Variants in ZNF638 observed in about 807,000 individuals in gnomAD.
ZNF638 encodes the protein zinc finger protein 638, also known as CTCL tumor antigen se33-1.
Under a neutral mutation model 195.6 loss-of-function variants are expected in ZNF638, and 46 were observed. That is an observed-to-expected ratio of 0.24 (90% CI 0.19 to 0.30). The LOEUF (loss-of-function observed/expected upper bound fraction) is 0.30. Ranked by LOEUF, ZNF638 falls within the 10% of genes least tolerant of loss-of-function variation. The pLI is 1.00. For synonymous variants in ZNF638, 845 were observed against 772.0 expected (o/e 1.09, Z -1.57); for missense variants, 2,440 against 2,325.3 (o/e 1.05, Z -1.01).
chr2:71,385,214 A>G (rs1259553856), intron 10 of ZNF638, among the ~76,000 whole-genome samples: 8 of 152,228 alleles, frequency 5.3e-5, no homozygotes, highest in African/African-American at 1.9e-4. Flanking sequence ...CCATTCTAGA[A>G]AAGAGTATGA....
Position 71,426,567 on chromosome 2 carries a change from A to G in ZNF638, c.4698A>G (p.Lys1566=), listed in dbSNP as rs1263956192. The G allele has an allele frequency of 1.2e-6, 2 of 1,614,056 alleles. No homozygotes were observed. Among genetic ancestry groups the G allele is most frequent in the Middle Eastern group, 1.6e-4 (1 of 6,084 alleles). The change falls in exon 24 of 28, where the codon AAA becomes AAG. Residue 1566 remains lysine (K), a synonymous_variant. Transcript: ENST00000264447. Reference sequence around the variant, plus strand: ...AGAATCCACTAAAGGGAAAAAGGAAAGAAACTCTCAAAAATGTTCCTTTCT... The same window carrying G: ...AGAATCCACTAAAGGGAAAAAGGAAGGAAACTCTCAAAAATGTTCCTTTCT... ...AKQNPLKGKR[K]ETLKNVPFSE...
chr2:71,356,513 T>G (rs1480592018), intron 3 of ZNF638, among the ~76,000 whole-genome samples: 1 of 152,156 alleles, frequency 6.6e-6, no homozygotes, highest in African/African-American at 2.4e-5. Context: ...AGTTGCAGAT[T>G]AGTTGCTGGC....
intron 3 of ZNF638, among the ~76,000 whole-genome samples, chr2:71,359,204 C>T (rs914352108): frequency 3.9e-5 from 6 of 152,120 alleles, no homozygotes; most frequent in Admixed American, 3.9e-4. Context: ...CCACAATATG[C>T]TGTCTGTGTG....
At chr2:71,407,133 C>T (rs2080121466) in intron 19 of ZNF638, 2 of 152,058 alleles carry the variant, frequency 1.3e-5, no homozygotes, top group African/African-American at 4.8e-5. Context: ...AAATTTTTAT[C>T]AGCCATATAT....
intron 6 of ZNF638, among the ~76,000 whole-genome samples, chr2:71,366,517 A>T (rs995298076): frequency 5.9e-5 from 9 of 152,100 alleles, no homozygotes; most frequent in African/African-American, 2.2e-4. Flanking sequence ...CTCGTAGCTT[A>T]GGAATTCCAG....
intron 8 of ZNF638, among the ~76,000 whole-genome samples, chr2:71,373,306 TTG>T (rs1220652537): frequency 3.9e-5 from 6 of 152,100 alleles, no homozygotes; most frequent in Admixed American, 3.9e-4. Flanking sequence ...TTTATTATTG[TTG>T]TCTTTTTAAA....
chr2:71,359,137 T>C (rs879882894), intron 3 of ZNF638, among the ~76,000 whole-genome samples: 1 of 152,136 alleles, frequency 6.6e-6, no homozygotes, highest in East Asian at 1.9e-4. Flanking sequence ...TGTATCGATA[T>C]ATGACAGGGG....
intron 2 of ZNF638, among the ~76,000 whole-genome samples, chr2:71,355,062 G>A (rs926506692): frequency 2.0e-5 from 3 of 152,018 alleles, no homozygotes; most frequent in Non-Finnish European, 2.9e-5. Flanking sequence ...TCCGCCTCCC[G>A]GGTTCACGCC....
chr2:71,427,173 TAAA>T lies in ZNF638; in HGVS notation c.5305_5307del (p.Lys1769del), dbSNP rs760295783. On this transcript the variant is annotated inframe_deletion, in exon 24 of 28. Coordinates refer to ENST00000264447, the MANE Select transcript of ZNF638 (RefSeq NM_014497.5). ...ACTCTCTGGCGGATTTTAACAACCT[TAAA>T]GAAGAGCTTAATTTTGTTACTGTTG... 6.2e-7 allele frequency: 1 copy of T among 1,611,770 alleles called. No homozygotes were observed. The highest frequency in any genetic ancestry group is 8.5e-7 in the Non-Finnish European group (1 of 1,179,322).
At chr2:71,336,262 C>T (rs1257990804) in intron 1 of ZNF638, among the ~76,000 whole-genome samples, 5 of 150,550 alleles carry the variant, frequency 3.3e-5, no homozygotes, top group African/African-American at 9.8e-5. Flanking sequence ...CCCAGCTACT[C>T]GGGAGGCTGA....
intron 21 of ZNF638, among the ~76,000 whole-genome samples, chr2:71,419,077 G>A (rs1159851321): frequency 2.6e-5 from 4 of 152,084 alleles, no homozygotes; most frequent in African/African-American, 7.2e-5. Flanking sequence ...GGGTTGGGGC[G>A]AGTAAGTATT....
chr2:71,375,318 A>T (rs896182641), intron 8 of ZNF638: 7 of 152,240 alleles, frequency 4.6e-5, no homozygotes, highest in African/African-American at 1.7e-4. Flanking sequence ...AGAAATCTGC[A>T]TGTAGGTGGT....
At chr2:71,350,473 G>C (rs1558834780) in intron 2 of ZNF638, among the ~76,000 whole-genome samples, 1 of 152,176 alleles carries the variant, frequency 6.6e-6, no homozygotes, top group Non-Finnish European at 1.5e-5. Flanking sequence ...GTATTCCTAT[G>C]ACCGGGCACA....
intron 10 of ZNF638, chr2:71,395,387 G>A: frequency 1.5e-6 from 1 of 688,944 alleles, no homozygotes; most frequent in African/African-American, 1.8e-5. Flanking sequence ...GGTGGGAAAA[G>A]TTATAAGGAG....
chr2:71,346,489 G>A (rs551638873), intron 1 of ZNF638, among the ~76,000 whole-genome samples: 2 of 152,110 alleles, frequency 1.3e-5, no homozygotes, highest in Non-Finnish European at 2.9e-5. Flanking sequence ...ATGTGTTTTT[G>A]TGTTTCATTC....
intron 15 of ZNF638, 55 bp from the exon 16 acceptor site, chr2:71,401,901 A>G: frequency 6.8e-7 from 1 of 1,463,294 alleles, no homozygotes; most frequent in Non-Finnish European, 9.2e-7. Context: ...TATAAACTTA[A>G]GTAAATATGA....
Position 71,349,017 on chromosome 2 carries a change from C to CT in ZNF638, c.63_64insT (p.Pro22SerfsTer38). On this transcript the variant is annotated frameshift_variant, in exon 2 of 28. Transcript: ENST00000264447. LOFTEE classifies it high-confidence loss of function. ...CACTTCAAAGGCCACGAGCACCTAACCCTTCTGGGATGAGGCCTCCAGGAC... is the reference window on the plus strand; with the variant it reads ...CACTTCAAAGGCCACGAGCACCTAACTCCTTCTGGGATGAGGCCTCCAGGAC... The CT allele has an allele frequency of 6.2e-7, 1 of 1,614,198 alleles. No homozygotes were observed. Among genetic ancestry groups the CT allele is most frequent in the Non-Finnish European group, 8.5e-7 (1 of 1,180,030 alleles).
At chr2:71,407,781 T>C (rs2080134944) in intron 19 of ZNF638, 1 of 162,304 alleles carries the variant, frequency 6.2e-6, no homozygotes, top group Non-Finnish European at 1.3e-5. Context: ...ATATTTGCTT[T>C]TTTGTGACTG....
At chr2:71,367,445 T>TG (rs1259569963) in intron 6 of ZNF638, among the ~76,000 whole-genome samples, 1 of 144,314 alleles carries the variant, frequency 6.9e-6, no homozygotes, top group Non-Finnish European at 1.5e-5. Flanking sequence ...TTTTTTTTTT[T>TG]TTTTTTGAAT....
Sources: gnomAD v4.1 joint callset for allele counts (sites outside exome capture counted in the v4.1 genomes callset) on GRCh38, gnomAD v4.1.1 for gene constraint, MANE v1.5 for transcripts, NCBI Gene and HGNC (gene_info 2026-07-23, HGNC 2026-07-21) for gene names.